The following FYCO1 variants were observed in gnomAD, a reference collection of about 807,000 sequenced individuals.
The protein encoded by FYCO1 is FYVE and coiled-coil domain autophagy adaptor 1.
In FYCO1, 122 loss-of-function variants were observed where a neutral mutation model predicts 165.1. The observed-to-expected ratio is 0.74, with a 90% CI of 0.64 to 0.86. The LOEUF (loss-of-function observed/expected upper bound fraction) is 0.86. Ranked by LOEUF, FYCO1 falls within the 40% of genes least tolerant of loss-of-function variation. The pLI is 0.00. For missense variants in FYCO1, 1,702 were observed against 1,810.3 expected (o/e 0.94, Z 1.09); for synonymous variants, 648 against 742.5 (o/e 0.87, Z 2.07).
At position 45,993,243 on chromosome 3, in the gene FYCO1, A is replaced by G. The variant is rs984910311; in HGVS notation, c.-113+2479T>C. On this transcript the variant is annotated intron_variant, in intron 1 of 17. Coordinates refer to ENST00000296137, the MANE Select transcript of FYCO1 (RefSeq NM_024513.4). The surrounding 1 kb of genome is among the most constrained non-coding windows in gnomAD (Gnocchi z 4.4). Reference sequence around the variant, plus strand: ...ACAGGAAGGACCACTGGAAGTTACTAAAATCAACAGGTTGACTGGCTCCCA... The same window carrying G: ...ACAGGAAGGACCACTGGAAGTTACTGAAATCAACAGGTTGACTGGCTCCCA... Among the ~76,000 whole-genome samples the G allele has an allele frequency of 2.0e-5, 3 of 152,224 alleles. No individual in the cohort carries two copies. The highest frequency in any genetic ancestry group is 4.4e-5 in the Non-Finnish European group (3 of 68,036).
At chr3:45,922,056 T>A (rs947116004) in intron 17 of FYCO1, among the ~76,000 whole-genome samples, 1 of 152,192 alleles carries the variant, frequency 6.6e-6, no homozygotes, top group African/African-American at 2.4e-5. Context: ...GAGGCTTGGG[T>A]GCAGAAATGC....
chr3:45,918,899 C>T lies in FYCO1; in HGVS notation c.*2866G>A, dbSNP rs1702998899. On this transcript the variant is annotated 3_prime_UTR_variant, in exon 18 of 18. Transcript: ENST00000296137. ...GAGTCCACTTGGACCTGGAGGACAA[C>T]ACTTTGTGCCAAACGTGCCTCCTTG... The T allele has an allele frequency of 1.3e-5, 2 of 152,188 alleles. No individual in the cohort carries two copies. Among genetic ancestry groups the T allele is most frequent in the African/African-American group, 4.8e-5 (2 of 41,428 alleles). 9.4% of individuals were successfully genotyped at this position (152,188 alleles called of 1,614,324 possible).
chr3:45,960,762 G>T (rs1045980444), intron 11 of FYCO1, among the ~76,000 whole-genome samples: 2 of 152,154 alleles, frequency 1.3e-5, no homozygotes, highest in Non-Finnish European at 2.9e-5. Context: ...GCCTCTTGAA[G>T]GAAAGACCCC....
rs895653647 is a variant in FYCO1, at chr3:45,977,418, T to C, written c.289-2073A>G. Among the ~76,000 whole-genome samples, 4 of 141,614 alleles carry C rather than the reference T, an allele frequency of 2.8e-5. No individual in the cohort carries two copies. In the East Asian group the frequency reaches 7.8e-4, roughly 28 times the overall value. The allele number at this position is 141,614 out of a possible 152,430, so 92.9% of individuals were successfully genotyped here. ...ATATATATATATATAAAGGGAACTA[T>C]TTATTTTAAAAGGTATTTTTAGGGG... On this transcript the variant is annotated intron_variant, in intron 4 of 17. Coordinates refer to ENST00000296137, the MANE Select transcript of FYCO1 (RefSeq NM_024513.4).
chr3:45,985,509 G>C (rs1424318780), intron 1 of FYCO1, among the ~76,000 whole-genome samples: 5 of 152,186 alleles, frequency 3.3e-5, no homozygotes, highest in Admixed American at 2.0e-4. Flanking sequence ...GTGCTAGTTG[G>C]GGGAGAGGAT....
Position 45,920,127 on chromosome 3 carries a change from C to T in FYCO1, c.*1638G>A, listed in dbSNP as rs1378493261. ...AACTCTCCTGTTTAAAGGTCTGAGT[C>T]CATTCCAGAAATGACCTCTTACTTG... On this transcript the variant is annotated 3_prime_UTR_variant, in exon 18 of 18. Transcript: ENST00000296137. 1 of 152,268 alleles carries T rather than the reference C, an allele frequency of 6.6e-6. No homozygotes were observed. The highest frequency in any genetic ancestry group is 1.5e-5 in the Non-Finnish European group (1 of 68,096). 9.4% of individuals were successfully genotyped at this position (152,268 alleles called of 1,614,324 possible).
Position 45,968,134 on chromosome 3 carries a change from C to A in FYCO1, c.1200G>T (p.Met400Ile). 6.2e-7 allele frequency: 1 copy of A among 1,614,166 alleles called. No individual in the cohort carries two copies. Among genetic ancestry groups the A allele is most frequent in the East Asian group, 2.2e-5 (1 of 44,884 alleles). Residue 400 changes from methionine (M) to isoleucine (I), a missense_variant, in exon 8 of 18, where the codon ATG (methionine) becomes ATT (isoleucine). Met to Ile is a conservative substitution (Grantham distance 10, BLOSUM62 1). Transcript: ENST00000296137. The stretch of plus-strand genomic sequence containing the variant: ...CTTGAAGCTTCTCCCCTAGCTCCTG[C>A]ATCTCCTGGGCCGCATCACTGGGAA... ...EPIPSDAAQE[M>I]QELGEKLQAL...
chr3:45,970,257 C>T (rs1477115873), intron 6 of FYCO1, among the ~76,000 whole-genome samples: 1 of 152,194 alleles, frequency 6.6e-6, no homozygotes, highest in Non-Finnish European at 1.5e-5. Flanking sequence ...CATTGGATGG[C>T]ACTGCTTTAG....
intron 4 of FYCO1, 40 bp from the exon 5 acceptor site, chr3:45,975,385 C>T (rs1235061257): frequency 1.4e-6 from 2 of 1,476,878 alleles, no homozygotes; most frequent in East Asian, 4.5e-5. Context: ...GAGCTGTCAG[C>T]CTAACTCCAA....
chr3:45,950,908 T>C (rs1420409050), intron 14 of FYCO1, among the ~76,000 whole-genome samples: 1 of 152,206 alleles, frequency 6.6e-6, no homozygotes, highest in Non-Finnish European at 1.5e-5. Context: ...CACCATATCC[T>C]GTTCTCATTT....
At chr3:45,961,494 C>T (rs771120943) in intron 11 of FYCO1, among the ~76,000 whole-genome samples, 1 of 151,734 alleles carries the variant, frequency 6.6e-6, no homozygotes, top group Non-Finnish European at 1.5e-5. Context: ...ACAAGAATCG[C>T]TTGAATGCAG....
intron 6 of FYCO1, among the ~76,000 whole-genome samples, chr3:45,971,334 C>T (rs1254557595): frequency 2.6e-5 from 4 of 152,160 alleles, no homozygotes; most frequent in Non-Finnish European, 5.9e-5. Flanking sequence ...GTAATAACTG[C>T]TTCAGGCAAG....
Position 45,967,480 on chromosome 3 carries a change from GT to G in FYCO1, c.1853del (p.Asn618ThrfsTer67). 6.2e-7 allele frequency: 1 copy of G among 1,613,692 alleles called. No individual in the cohort carries two copies. The highest frequency in any genetic ancestry group is 8.5e-7 in the Non-Finnish European group (1 of 1,179,994). ...GSQEEELRQA[N>X]RELEKELQNV... ...TCTGTAGCTCCTTCTCCAGCTCCCT[GT>G]TGGCCTGCCGGAGCTCTTCCTCCTG... On this transcript the variant is annotated frameshift_variant, in exon 8 of 18. Coordinates refer to ENST00000296137, the MANE Select transcript of FYCO1 (RefSeq NM_024513.4). LOFTEE classifies it high-confidence loss of function.
intron 14 of FYCO1, among the ~76,000 whole-genome samples, chr3:45,953,463 C>T (rs1437824965): frequency 3.3e-5 from 5 of 152,182 alleles, no homozygotes; most frequent in Non-Finnish European, 7.3e-5. Context: ...CTTATGGGTC[C>T]CATGTCATAA....
intron 14 of FYCO1, among the ~76,000 whole-genome samples, chr3:45,954,951 T>G (rs1423169877): frequency 6.6e-6 from 1 of 152,226 alleles, no homozygotes; most frequent in Non-Finnish European, 1.5e-5. Context: ...CCACCCGGTC[T>G]GCGGTATTTT....
chr3:45,984,848 T>C lies in FYCO1; in HGVS notation c.55+8A>G, dbSNP rs746769692. 6.2e-7 allele frequency: 1 copy of C among 1,614,166 alleles called. No homozygotes were observed. Among genetic ancestry groups the C allele is most frequent in the South Asian group, 1.1e-5 (1 of 91,082 alleles). Reference sequence around the variant, plus strand: ...ACCAAACTCAGCCTGCCCAGCAACCTACCATACCTTGCAAGTCTCGGATGA... The same window carrying C: ...ACCAAACTCAGCCTGCCCAGCAACCCACCATACCTTGCAAGTCTCGGATGA... On this transcript the variant is annotated splice_region_variant and intron_variant, in intron 2 of 17. Transcript: ENST00000296137.
At chr3:45,922,493 A>C (rs1174107823) in intron 17 of FYCO1, among the ~76,000 whole-genome samples, 1 of 152,182 alleles carries the variant, frequency 6.6e-6, no homozygotes, top group African/African-American at 2.4e-5. Context: ...GGTGGTCCCC[A>C]ACCCATTCTC....
intron 4 of FYCO1, among the ~76,000 whole-genome samples, chr3:45,978,001 C>CT (rs1033116449): frequency 2.0e-5 from 3 of 152,186 alleles, no homozygotes; most frequent in African/African-American, 7.2e-5. Flanking sequence ...GAAGCAGAGC[C>CT]TATGCCAGCC....
At chr3:45,977,781 T>TA (rs1458854286) in intron 4 of FYCO1, among the ~76,000 whole-genome samples, 1 of 152,196 alleles carries the variant, frequency 6.6e-6, no homozygotes, top group Non-Finnish European at 1.5e-5. Context: ...CCTAAATAGC[T>TA]ACCGCCTACC....
Sources: gnomAD v4.1 joint callset for allele counts (sites outside exome capture counted in the v4.1 genomes callset) on GRCh38, gnomAD v4.1.1 for gene constraint, Gnocchi (gnomAD v3.1) non-coding constraint, MANE v1.5 for transcripts, NCBI Gene and HGNC (gene_info 2026-07-23, HGNC 2026-07-21) for gene names.